Variants in GPHN observed in about 807,000 individuals in gnomAD.
GPHN encodes the protein gephyrin.
In GPHN, 17 loss-of-function variants were observed where a neutral mutation model predicts 95.5. The ratio of observed to expected loss-of-function variants is 0.18; its 90% CI spans 0.12 to 0.27. The LOEUF (loss-of-function observed/expected upper bound fraction) is 0.27, where lower values mean the gene tolerates loss of function less well. Ranked by LOEUF, GPHN falls within the 10% of genes least tolerant of loss-of-function variation. The pLI, the probability that GPHN is intolerant of heterozygous loss-of-function variation, is 1.00. For missense variants in GPHN, 660 were observed against 978.1 expected (o/e 0.67, Z 4.34); for synonymous variants, 320 against 322.5 (o/e 0.99, Z 0.08).
intron 2 of GPHN, 21 bp from the exon 3 acceptor site, chr14:66,776,443 A>G (rs766662948): frequency 2.1e-6 from 3 of 1,420,246 alleles, no homozygotes; most frequent in South Asian, 2.3e-5. Flanking sequence ...TTTTGAGAAT[A>G]TTTTCTTCTC....
At chr14:67,548,480 C>T in the GPHN span, among the ~76,000 whole-genome samples, 1 of 152,078 alleles carries the variant, frequency 6.6e-6, no homozygotes, top group Admixed American at 6.6e-5. Context: ...GGCAGATCAC[C>T]TGAGGTCGGG....
chr14:67,733,462 T>G, the GPHN span, among the ~76,000 whole-genome samples: 2 of 152,254 alleles, frequency 1.3e-5, no homozygotes, highest in Non-Finnish European at 2.9e-5. Flanking sequence ...TTGTTGCAGA[T>G]ATCCTAGAAT....
chr14:67,301,902 T>C, the GPHN span: 10 of 1,477,632 alleles, frequency 6.8e-6, no homozygotes, highest in East Asian at 1.2e-4. Context: ...ACTATGTACA[T>C]AGGTTAAAAA....
the GPHN span, among the ~76,000 whole-genome samples, chr14:67,594,507 C>T: frequency 1.6e-4 from 25 of 151,846 alleles, no homozygotes; most frequent in Non-Finnish European, 2.8e-4. Flanking sequence ...AGTAGCTGGG[C>T]GTGTTGGCAC....
At chr14:67,256,086 C>G in the GPHN span, among the ~76,000 whole-genome samples, 236 of 145,914 alleles carry the variant, frequency 1.6e-3, no homozygotes, top group African/African-American at 6.0e-3. Flanking sequence ...ATTATAAAAG[C>G]AACACATACT....
At chr14:67,275,363 A>C in the GPHN span, among the ~76,000 whole-genome samples, 2 of 152,324 alleles carry the variant, frequency 1.3e-5, no homozygotes, top group Middle Eastern at 6.8e-3. Flanking sequence ...CCTTTTCTGC[A>C]TCTATTGAGA....
the GPHN span, among the ~76,000 whole-genome samples, chr14:67,496,212 G>T: frequency 0.079 from 11,976 of 151,874 alleles, 556 homozygotes; most frequent in Non-Finnish European, 0.092. Context: ...TAAAAATTTT[G>T]TATCTATTTA....
chr14:66,988,550 G>A (rs1277520641), intron 9 of GPHN, among the ~76,000 whole-genome samples: 1 of 152,010 alleles, frequency 6.6e-6, no homozygotes, highest in Non-Finnish European at 1.5e-5. Flanking sequence ...ATAAATGTAT[G>A]TCATTTTGTT....
chr14:67,058,075 AG>A (rs2075676877), intron 10 of GPHN, among the ~76,000 whole-genome samples: 1 of 152,360 alleles, frequency 6.6e-6, no homozygotes, highest in Non-Finnish European at 1.5e-5. Context: ...CTGAATAAGA[AG>A]CAGAAGCAGC....
intron 8 of GPHN, among the ~76,000 whole-genome samples, chr14:66,943,727 A>G (rs2067564805): frequency 1.3e-5 from 2 of 152,090 alleles, no homozygotes; most frequent in Admixed American, 1.3e-4. Flanking sequence ...AGCTCTTTTT[A>G]TAGGCATCAC....
the GPHN span, among the ~76,000 whole-genome samples, chr14:67,523,052 C>A: frequency 3.5e-3 from 531 of 152,256 alleles, 1 homozygote; most frequent in African/African-American, 0.012. Flanking sequence ...AGGCTGGGCG[C>A]GGTGGCTCAT....
chr14:67,733,970 C>G, the GPHN span: 8 of 705,122 alleles, frequency 1.1e-5, 1 homozygote, highest in East Asian at 8.9e-5. Flanking sequence ...CCTGCCTGCT[C>G]TGATCCTCTT....
intron 8 of GPHN, among the ~76,000 whole-genome samples, chr14:66,955,612 A>G (rs1178448394): frequency 6.6e-6 from 1 of 152,150 alleles, no homozygotes; most frequent in Admixed American, 6.5e-5. Flanking sequence ...CAGGTTTGTT[A>G]CATATGTATA....
At chr14:66,681,259 T>C in intron 2 of GPHN, 74 bp downstream of exon 2, 1 of 965,272 alleles carries the variant, frequency 1.0e-6, no homozygotes, top group Non-Finnish European at 1.6e-6. Context: ...AAAAGAGTTT[T>C]ATGTGAAAAC....
chr14:66,596,850 C>G (rs907679541), intron 1 of GPHN, among the ~76,000 whole-genome samples: 1 of 152,198 alleles, frequency 6.6e-6, no homozygotes, highest in Non-Finnish European at 1.5e-5. Flanking sequence ...TCCACCTGTT[C>G]TTGGTTCCTG....
the GPHN span, chr14:67,587,599 G>A: frequency 3.4e-6 from 1 of 290,696 alleles, no homozygotes; most frequent in Non-Finnish European, 6.6e-6. Flanking sequence ...TTCTTTCTGG[G>A]GGGGGCGGGG....
the GPHN span, chr14:67,454,627 A>C: frequency 1.3e-5 from 2 of 152,188 alleles, no homozygotes; most frequent in Non-Finnish European, 2.9e-5. Context: ...GAGGTATAGG[A>C]AGAAAAGCCA....
At chr14:67,028,785 G>C (rs139089825) in intron 10 of GPHN, among the ~76,000 whole-genome samples, 1 of 152,146 alleles carries the variant, frequency 6.6e-6, no homozygotes, top group Admixed American at 6.5e-5. Context: ...CTGATGAACA[G>C]TTTGCAAGTA....
At chr14:67,048,348 A>G (rs965476941) in intron 10 of GPHN, among the ~76,000 whole-genome samples, 5 of 152,214 alleles carry the variant, frequency 3.3e-5, no homozygotes, top group African/African-American at 1.2e-4. Context: ...AAAATTCTGA[A>G]CTAAAATATA....
Sources: allele counts gnomAD v4.1 joint callset (sites outside exome capture counted in the v4.1 genomes callset), GRCh38; gene constraint gnomAD v4.1.1; transcripts MANE v1.5; gene names NCBI Gene and HGNC (gene_info 2026-07-23, HGNC 2026-07-21).